KIAA1958: variants seen among roughly 807,000 people sequenced by gnomAD.
The protein encoded by KIAA1958 is uncharacterized protein KIAA1958.
In KIAA1958, 14 loss-of-function variants were observed where a neutral mutation model predicts 47.2. That is an observed-to-expected ratio of 0.30 (90% CI 0.20 to 0.46). The LOEUF (loss-of-function observed/expected upper bound fraction) is 0.46. Ranked by LOEUF, KIAA1958 falls within the 20% of genes least tolerant of loss-of-function variation. KIAA1958 has a pLI of 1.00. For synonymous variants in KIAA1958, 354 were observed against 353.3 expected, an observed-to-expected ratio of 1.00 and a Z score of -0.02; for missense variants, 803 against 909.2, an observed-to-expected ratio of 0.88 and a Z score of 1.50.
chr9:112,566,860 G>A (rs1835435599), intron 1 of KIAA1958, among the ~76,000 whole-genome samples: 1 of 152,210 alleles, frequency 6.6e-6, no homozygotes. Context: ...TGGAAGTTGA[G>A]TGATGTCACT....
intron 2 of KIAA1958, chr9:112,581,964 C>A: frequency 7.9e-6 from 2 of 252,146 alleles, no homozygotes; most frequent in Admixed American, 3.7e-5. Flanking sequence ...GCCACCTTTC[C>A]CCACTGTCAG....
chr9:112,510,643 T>G (rs1163628283), intron 1 of KIAA1958, among the ~76,000 whole-genome samples: 1 of 152,188 alleles, frequency 6.6e-6, no homozygotes, highest in African/African-American at 2.4e-5. Flanking sequence ...ATTCTGCTGC[T>G]TATACCTCTC....
chr9:112,662,248 T>G lies in KIAA1958; in HGVS notation c.*2179T>G, dbSNP rs1430737496. 6.6e-6 allele frequency: 1 copy of G among 152,176 alleles called. No homozygotes were observed. Among genetic ancestry groups the G allele is most frequent in the African/African-American group, 2.4e-5 (1 of 41,438 alleles). 9.4% of individuals were successfully genotyped at this position (152,176 alleles called of 1,614,324 possible). On this transcript the variant is annotated 3_prime_UTR_variant, in exon 4 of 4. Coordinates refer to ENST00000337530, the MANE Select transcript of KIAA1958 (RefSeq NM_133465.4). ...TAATTAATAATCAGGAGGGCGAATC[T>G]TCAGTGGCATCTGATGGAATGAAAG...
intron 2 of KIAA1958, among the ~76,000 whole-genome samples, chr9:112,630,602 C>T (rs984818403): frequency 2.0e-5 from 3 of 152,126 alleles, no homozygotes; most frequent in African/African-American, 7.2e-5. Flanking sequence ...CCATTTATTA[C>T]CTTTAGCACA....
intron 2 of KIAA1958, among the ~76,000 whole-genome samples, chr9:112,620,377 G>T (rs180852779): frequency 1.1e-4 from 17 of 152,300 alleles, no homozygotes; most frequent in African/African-American, 4.1e-4. Flanking sequence ...AGCTAGAAAG[G>T]TAGGTGGTAT....
At position 112,532,063 on chromosome 9, in the gene KIAA1958, A is replaced by G. The variant is rs566669706; in HGVS notation, c.-24-41994A>G. On this transcript the variant is annotated intron_variant, in intron 1 of 3. Coordinates refer to ENST00000337530, the MANE Select transcript of KIAA1958 (RefSeq NM_133465.4). ...TAGATACCTTGGGGAGCCTGTTTGG[A>G]TTAAAAATACCTAACACTGTCTAGC... 2.0e-5 allele frequency among the ~76,000 whole-genome samples: 3 copies of G among 152,260 alleles called. No individual in the cohort carries two copies. The East Asian group carries it at 5.8e-4, about 29-fold the overall frequency.
intron 1 of KIAA1958, among the ~76,000 whole-genome samples, chr9:112,521,063 A>G: frequency 6.6e-6 from 1 of 152,058 alleles, no homozygotes; most frequent in South Asian, 2.1e-4. Context: ...GTTGGGTTTA[A>G]TATTTAAACA....
At chr9:112,501,341 A>G (rs751097974) in intron 1 of KIAA1958, among the ~76,000 whole-genome samples, 6 of 151,716 alleles carry the variant, frequency 4.0e-5, no homozygotes, top group East Asian at 1.9e-4. Context: ...TGCTTGGGAG[A>G]CTGAAATGGA....
In KIAA1958 at chr9:112,666,748, T is replaced by C. The variant is rs1289935238; in HGVS notation, c.*6679T>C. On this transcript the variant is annotated 3_prime_UTR_variant, in exon 4 of 4. Transcript: ENST00000337530. ...AATTAAAAACATGAAAGCTATTTAGTACTTGTCCTCTTCCCCAATCATGCC... is the reference window on the plus strand; with the variant it reads ...AATTAAAAACATGAAAGCTATTTAGCACTTGTCCTCTTCCCCAATCATGCC... The C allele has an allele frequency of 1.3e-5, 2 of 152,222 alleles. No homozygotes were observed. The highest frequency in any genetic ancestry group is 2.9e-5 in the Non-Finnish European group (2 of 68,050). 9.4% of individuals were successfully genotyped at this position (152,222 alleles called of 1,614,324 possible).
chr9:112,513,205 A>G (rs76663988), intron 1 of KIAA1958, among the ~76,000 whole-genome samples: 32,130 of 131,944 alleles, frequency 0.24, 3,642 homozygotes, highest in Middle Eastern at 0.36. Flanking sequence ...GGGTTTCACC[A>G]TGTTGGCCAG....
chr9:112,503,491 T>TA (rs951051199), intron 1 of KIAA1958, among the ~76,000 whole-genome samples: 3 of 149,136 alleles, frequency 2.0e-5, no homozygotes, highest in African/African-American at 5.0e-5. Flanking sequence ...CTACAAAAAA[T>TA]AAAAAAAATT....
At chr9:112,520,478 G>C (rs1021715764) in intron 1 of KIAA1958, among the ~76,000 whole-genome samples, 2 of 152,206 alleles carry the variant, frequency 1.3e-5, no homozygotes, top group Non-Finnish European at 2.9e-5. Flanking sequence ...AACTTTCACA[G>C]TAAGAGCTGT....
intron 1 of KIAA1958, among the ~76,000 whole-genome samples, chr9:112,558,132 G>A (rs981185108): frequency 2.5e-4 from 38 of 152,238 alleles, no homozygotes; most frequent in African/African-American, 7.5e-4. Flanking sequence ...GGCTGAGGCA[G>A]GGGAATCGCT....
intron 2 of KIAA1958, among the ~76,000 whole-genome samples, chr9:112,628,202 C>A (rs573054151): frequency 4.6e-5 from 7 of 152,262 alleles, no homozygotes; most frequent in African/African-American, 1.4e-4. Flanking sequence ...CTTGTAATTA[C>A]AAGATTCTTT....
At chr9:112,630,951 G>A (rs540157227) in intron 2 of KIAA1958, among the ~76,000 whole-genome samples, 46 of 152,248 alleles carry the variant, frequency 3.0e-4, no homozygotes, top group African/African-American at 1.1e-3. Context: ...AAGTGTGCTT[G>A]CAAGTTTTAC....
chr9:112,593,191 A>C (rs562153668), intron 2 of KIAA1958, among the ~76,000 whole-genome samples: 1 of 152,342 alleles, frequency 6.6e-6, no homozygotes, highest in South Asian at 2.1e-4. Flanking sequence ...ACAGAAAGCA[A>C]AGGGGCTCAC....
At chr9:112,563,040 TC>T (rs1835362145) in intron 1 of KIAA1958, among the ~76,000 whole-genome samples, 1 of 135,882 alleles carries the variant, frequency 7.4e-6, no homozygotes. Flanking sequence ...TCTCTCTCTC[TC>T]TTTCTCTCTC....
intron 1 of KIAA1958, among the ~76,000 whole-genome samples, chr9:112,500,626 T>A (rs971710585): frequency 7.2e-5 from 11 of 152,162 alleles, no homozygotes; most frequent in African/African-American, 2.4e-4. Context: ...CTGTTAATCA[T>A]CAAATAGATA....
chr9:112,618,376 C>T lies in KIAA1958; in HGVS notation c.1172-27274C>T, dbSNP rs1836441494. 2.6e-6 allele frequency: 4 copies of T among 1,551,170 alleles called. No individual in the cohort carries two copies. Among genetic ancestry groups the T allele is most frequent in the Non-Finnish European group, 1.7e-6 (2 of 1,147,154 alleles). On this transcript the variant is annotated intron_variant, in intron 2 of 3. Coordinates refer to ENST00000337530, the MANE Select transcript of KIAA1958 (RefSeq NM_133465.4). This position sits in a 1 kb window ranked among gnomAD's most constrained non-coding sequence, Gnocchi z 7.1. ...CAAAAGCTTTTGGGCATTGCACAGGCTTCCATGGATCTACCTTAAAATGGG... is the reference window on the plus strand; with the variant it reads ...CAAAAGCTTTTGGGCATTGCACAGGTTTCCATGGATCTACCTTAAAATGGG...
Sources: gnomAD v4.1 joint callset for allele counts (sites outside exome capture counted in the v4.1 genomes callset) on GRCh38, gnomAD v4.1.1 for gene constraint, Gnocchi (gnomAD v3.1) non-coding constraint, MANE v1.5 for transcripts, NCBI Gene and HGNC (gene_info 2026-07-23, HGNC 2026-07-21) for gene names.